The following CLASP2 variants were observed in gnomAD, a reference collection of about 807,000 sequenced individuals.
The protein encoded by CLASP2 is CLIP-associating protein 2.
A neutral mutation model predicts 194.4 loss-of-function variants in CLASP2; 47 were observed. The ratio of observed to expected loss-of-function variants is 0.24; its 90% CI spans 0.19 to 0.31. The LOEUF (loss-of-function observed/expected upper bound fraction) is 0.31, where lower values mean the gene tolerates loss of function less well. Ranked by LOEUF, CLASP2 falls within the 10% of genes least tolerant of loss-of-function variation. The pLI, the probability that CLASP2 is intolerant of heterozygous loss-of-function variation, is 1.00. For synonymous variants in CLASP2, 619 were observed against 633.5 expected, an observed-to-expected ratio of 0.98 and a Z score of 0.34; for missense variants, 1,445 against 1,823.6, an observed-to-expected ratio of 0.79 and a Z score of 3.78.
At chr3:33,522,270 T>C (rs867430021) in intron 34 of CLASP2, among the ~76,000 whole-genome samples, 11 of 152,114 alleles carry the variant, frequency 7.2e-5, no homozygotes, top group Middle Eastern at 3.4e-3. Context: ...TGCATACACA[T>C]GGAGAGTTAG....
At chr3:33,563,826 T>C (rs988233014) in intron 27 of CLASP2, 22 of 450,860 alleles carry the variant, frequency 4.9e-5, no homozygotes, top group South Asian at 3.5e-4. Context: ...ATGTCTAAAA[T>C]ACCTGGACAA....
intron 5 of CLASP2, among the ~76,000 whole-genome samples, chr3:33,686,171 A>G (rs1038799071): frequency 7.2e-5 from 11 of 152,126 alleles, no homozygotes; most frequent in African/African-American, 2.2e-4. Context: ...AGAAGGGAAA[A>G]TCTTTCCTGA....
At chr3:33,693,612 T>C (rs1317365687) in intron 2 of CLASP2, among the ~76,000 whole-genome samples, 2 of 152,166 alleles carry the variant, frequency 1.3e-5, no homozygotes, top group East Asian at 1.9e-4. Context: ...ATCTTTCATG[T>C]ATGTAAAGTA....
At chr3:33,533,922 T>A (rs2056831872) in intron 34 of CLASP2, among the ~76,000 whole-genome samples, 1 of 152,048 alleles carries the variant, frequency 6.6e-6, no homozygotes, top group Admixed American at 6.6e-5. Flanking sequence ...ACTATGTTGG[T>A]CAGGCTGGTC....
chr3:33,630,711 C>A (rs1559458037), intron 9 of CLASP2, among the ~76,000 whole-genome samples: 1 of 152,092 alleles, frequency 6.6e-6, no homozygotes, highest in Admixed American at 6.6e-5. Flanking sequence ...GTGAGGGTGG[C>A]AGAGAGGGCC....
At position 33,496,941 on chromosome 3, in the gene CLASP2, A is replaced by G. The variant is rs1255181345; in HGVS notation, c.*1690T>C. On this transcript the variant is annotated 3_prime_UTR_variant, in exon 39 of 39. Coordinates refer to ENST00000682230, the MANE Select transcript of CLASP2 (RefSeq NM_001365631.1). ...ATACAAGACCGTCTAAAGTTAAAAT[A>G]AAACTGAGTGACTTGTTACACAGTG... 6.6e-6 allele frequency: 1 copy of G among 152,664 alleles called. No individual in the cohort carries two copies. The highest frequency in any genetic ancestry group is 1.9e-4 in the East Asian group (1 of 5,206). The allele number at this position is 152,664 out of a possible 1,614,324, so 9.5% of individuals were successfully genotyped here.
chr3:33,621,075 C>A (rs1050623578), intron 11 of CLASP2, among the ~76,000 whole-genome samples: 2 of 149,916 alleles, frequency 1.3e-5, no homozygotes, highest in South Asian at 4.3e-4. Flanking sequence ...TTCTGCACTG[C>A]CAATTGTGAC....
chr3:33,585,514 T>C (rs1470290035), intron 21 of CLASP2, among the ~76,000 whole-genome samples: 1 of 152,176 alleles, frequency 6.6e-6, no homozygotes, highest in East Asian at 1.9e-4. Flanking sequence ...ATGGTAAATA[T>C]TTGTGTATCT....
At chr3:33,586,403 G>A (rs535290334) in intron 21 of CLASP2, among the ~76,000 whole-genome samples, 100 of 152,274 alleles carry the variant, frequency 6.6e-4, no homozygotes, top group African/African-American at 2.3e-3. Flanking sequence ...AAAGTGCTGG[G>A]ATTACAGGCC....
intron 10 of CLASP2, among the ~76,000 whole-genome samples, chr3:33,625,356 T>C (rs1163049749): frequency 6.6e-6 from 1 of 151,428 alleles, no homozygotes; most frequent in Non-Finnish European, 1.5e-5. Context: ...AAAGATCAGA[T>C]TCCTATAACA....
At chr3:33,698,681 T>C (rs895965240) in intron 1 of CLASP2, among the ~76,000 whole-genome samples, 2 of 152,132 alleles carry the variant, frequency 1.3e-5, no homozygotes, top group South Asian at 2.1e-4. Flanking sequence ...AATCATAACA[T>C]TGAAACCTAA....
chr3:33,558,744 C>T (rs972810371), intron 29 of CLASP2: 1 of 151,390 alleles, frequency 6.6e-6, no homozygotes, highest in Non-Finnish European at 1.5e-5. Context: ...AAGAAAGGGA[C>T]TGAGATTAAA....
At chr3:33,525,268 G>C (rs747445332) in intron 34 of CLASP2, among the ~76,000 whole-genome samples, 16 of 152,042 alleles carry the variant, frequency 1.1e-4, no homozygotes, top group Non-Finnish European at 2.1e-4. Flanking sequence ...AGTGCTAAGG[G>C]GGAAATTTAT....
chr3:33,514,827 C>T (rs1489476436), intron 36 of CLASP2: 2 of 169,570 alleles, frequency 1.2e-5, no homozygotes, highest in East Asian at 1.5e-4. Flanking sequence ...TATATACACA[C>T]ACACACACAC....
At chr3:33,684,804 A>C (rs577961625) in intron 5 of CLASP2, among the ~76,000 whole-genome samples, 27 of 151,476 alleles carry the variant, frequency 1.8e-4, no homozygotes, top group Non-Finnish European at 3.2e-4. Context: ...GTTTGAGACC[A>C]GTCTGGCCAA....
intron 1 of CLASP2, among the ~76,000 whole-genome samples, chr3:33,713,012 CAAAAAAAAA>C (rs57940200): frequency 2.1e-4 from 10 of 47,006 alleles, no homozygotes; most frequent in Non-Finnish European, 3.4e-4. Context: ...AACTCCACCT[CAAAAAAAAA>C]AAAAAAAAAA....
intron 37 of CLASP2, chr3:33,502,753 T>C (rs2047126927): frequency 6.6e-6 from 1 of 152,210 alleles, no homozygotes; most frequent in Non-Finnish European, 1.5e-5. Context: ...ATTTTATCTT[T>C]CTAAAACAAC....
chr3:33,690,139 T>C (rs1394831476), intron 2 of CLASP2, among the ~76,000 whole-genome samples: 2 of 152,118 alleles, frequency 1.3e-5, no homozygotes, highest in Non-Finnish European at 2.9e-5. Flanking sequence ...CTCCTTATAA[T>C]AATGTTAAAA....
At position 33,573,332 on chromosome 3, in the gene CLASP2, T is replaced by C. The variant is rs556081832; in HGVS notation, c.2477A>G (p.Tyr826Cys). 7 of 1,613,758 alleles carry C rather than the reference T, an allele frequency of 4.3e-6. No homozygotes were observed. The highest frequency in any genetic ancestry group is 2.2e-5 in the East Asian group (1 of 44,868). The change falls in exon 25 of 39, where the codon TAT (tyrosine) becomes TGT (cysteine). Residue 826 changes from tyrosine (Y) to cysteine (C), a missense_variant. Around this residue, in one of 4 missense-constraint regions of CLASP2, gnomAD observed 732 missense variants for 987.9 expected, o/e 0.74. Transcript: ENST00000682230. The part of the protein sequence containing the change: ...DALKKPARRR[Y>C]ESYGMHSDDD... ...ATCTGAATGCATTCCATATGATTCA[T>C]ATCTTCTTCGAGCTGGTTTTTTCTG...
Sources: gnomAD v4.1 joint callset for allele counts (sites outside exome capture counted in the v4.1 genomes callset) on GRCh38, gnomAD v4.1.1 for gene constraint, gnomAD v4.1.1 regional missense constraint, MANE v1.5 for transcripts, NCBI Gene and HGNC (gene_info 2026-07-23, HGNC 2026-07-21) for gene names.